TSPAN9: variants seen among roughly 807,000 people sequenced by gnomAD.
The protein encoded by TSPAN9 is tetraspanin 9.
TSPAN9 carries 16 observed loss-of-function variants against 31.0 expected under a neutral mutation model. The observed-to-expected ratio is 0.52, with a 90% confidence interval of 0.35 to 0.78. The LOEUF (loss-of-function observed/expected upper bound fraction) is 0.78, where lower values mean the gene tolerates loss of function less well. TSPAN9 is among the 30% of genes least tolerant of loss of function. The pLI, the probability that TSPAN9 is intolerant of heterozygous loss-of-function variation, is 0.01. For missense variants in TSPAN9, 272 were observed against 312.5 expected (o/e 0.87, Z 0.98); for synonymous variants, 145 against 121.6 (o/e 1.19, Z -1.27).
chr12:3,255,126 T>A (rs600830), intron 3 of TSPAN9, among the ~76,000 whole-genome samples: 1 of 152,216 alleles, frequency 6.6e-6, no homozygotes, highest in Non-Finnish European at 1.5e-5. Flanking sequence ...AGACAATGAG[T>A]AGCAAGGCAC....
intron 3 of TSPAN9, among the ~76,000 whole-genome samples, chr12:3,206,648 T>C (rs999985228): frequency 6.6e-6 from 1 of 152,162 alleles, no homozygotes; most frequent in Non-Finnish European, 1.5e-5. Flanking sequence ...GTGGCCTTTC[T>C]GTTTCTTCCA....
chr12:3,235,612 T>G (rs112402622), intron 3 of TSPAN9, among the ~76,000 whole-genome samples: 2,242 of 152,256 alleles, frequency 0.015, 55 homozygotes, highest in African/African-American at 0.051. Flanking sequence ...GCGTGTGTGA[T>G]TCCCTCACTG....
chr12:3,206,922 A>G (rs2098375567), intron 3 of TSPAN9, among the ~76,000 whole-genome samples: 1 of 152,202 alleles, frequency 6.6e-6, no homozygotes, highest in South Asian at 2.1e-4. Context: ...TAGAGGGTCC[A>G]GGGCAGGGAG....
At chr12:3,129,844 A>G (rs1249762858) in intron 2 of TSPAN9, among the ~76,000 whole-genome samples, 1 of 152,176 alleles carries the variant, frequency 6.6e-6, no homozygotes, top group Non-Finnish European at 1.5e-5. Flanking sequence ...CCCTGGGGCC[A>G]GCTGTCCCTC....
At chr12:3,165,733 C>T (rs1046974437) in intron 2 of TSPAN9, among the ~76,000 whole-genome samples, 8 of 152,102 alleles carry the variant, frequency 5.3e-5, no homozygotes, top group African/African-American at 9.7e-5. Context: ...CTTTGTGAGG[C>T]GCCCGTGAGA....
rs796903771 is a variant in TSPAN9, at chr12:3,095,743, C to G, written c.-18+12024C>G. On this transcript the variant is annotated intron_variant, in intron 2 of 8. Transcript: ENST00000011898. ...TCCCCACATCTCAGACGATGGGCGG[C>G]CGGGCAGAGACGCTCCTCACTTCCT... Among the ~76,000 whole-genome samples, 1,060 of 151,190 alleles carry G rather than the reference C, an allele frequency of 7.0e-3. 7 individuals carry two copies. The highest frequency in any genetic ancestry group is 0.024 in the African/African-American group (995 of 41,018).
intron 2 of TSPAN9, among the ~76,000 whole-genome samples, chr12:3,115,621 C>G (rs1350863339): frequency 6.6e-6 from 1 of 152,150 alleles, no homozygotes; most frequent in Non-Finnish European, 1.5e-5. Flanking sequence ...GGGTTCTAAA[C>G]TTATATCCTT....
At chr12:3,224,968 A>G (rs2098386411) in intron 3 of TSPAN9, among the ~76,000 whole-genome samples, 1 of 152,160 alleles carries the variant, frequency 6.6e-6, no homozygotes, top group Admixed American at 6.5e-5. Flanking sequence ...GAGCTTCAGA[A>G]TTCATTCAGA....
rs71577857 is a variant in TSPAN9, at chr12:3,283,487, G to A, written c.*371G>A. 2,162 of 183,628 alleles carry A rather than the reference G, an allele frequency of 0.012. 22 individuals carry two copies. Among genetic ancestry groups the A allele is most frequent in the South Asian group, 0.034 (202 of 5,900 alleles). 11.4% of individuals were successfully genotyped at this position (183,628 alleles called of 1,614,324 possible). ...GGGTGGGGAGCAGAGTGCCCGCCCC[G>A]TGGAGATACCGCCCCAGCGGGGGCT... is the stretch of plus-strand genomic sequence containing the variant. On this transcript the variant is annotated 3_prime_UTR_variant, in exon 9 of 9. Coordinates refer to ENST00000011898, the MANE Select transcript of TSPAN9 (RefSeq NM_006675.5).
chr12:3,198,548 G>C (rs1421471154), intron 2 of TSPAN9, among the ~76,000 whole-genome samples: 2 of 108,308 alleles, frequency 1.8e-5, no homozygotes, highest in Admixed American at 1.0e-4. Context: ...ACCAGCACAG[G>C]CCACCACCAG....
chr12:3,089,190 C>G (rs1438681638), intron 2 of TSPAN9, among the ~76,000 whole-genome samples: 3 of 149,714 alleles, frequency 2.0e-5, no homozygotes, highest in Non-Finnish European at 4.4e-5. Flanking sequence ...TGAGATCGCG[C>G]CACTGCACTC....
chr12:3,119,868 C>A (rs2098324259), intron 2 of TSPAN9, among the ~76,000 whole-genome samples: 1 of 152,172 alleles, frequency 6.6e-6, no homozygotes, highest in African/African-American at 2.4e-5. Flanking sequence ...AGTACGGTGC[C>A]CTGTCACTCA....
chr12:3,168,945 C>T lies in TSPAN9; in HGVS notation c.-17-32232C>T, dbSNP rs2098350176. The stretch of plus-strand genomic sequence containing the variant: ...GTGGGGAAATACAAGGTGGTGATCT[C>T]ATGTGGCATTAAACGGAGCTGGGAA... On this transcript the variant is annotated intron_variant, in intron 2 of 8. Coordinates refer to ENST00000011898, the MANE Select transcript of TSPAN9 (RefSeq NM_006675.5). This position sits in a 1 kb window ranked among gnomAD's most constrained non-coding sequence, Gnocchi z 4.0. Among the ~76,000 whole-genome samples the T allele has an allele frequency of 6.6e-6, 1 of 152,208 alleles. No individual in the cohort carries two copies. The highest frequency in any genetic ancestry group is 2.4e-5 in the African/African-American group (1 of 41,462).
intron 2 of TSPAN9, among the ~76,000 whole-genome samples, chr12:3,094,739 TGGTC>T (rs900376173): frequency 1.3e-5 from 2 of 151,876 alleles, no homozygotes; most frequent in African/African-American, 4.8e-5. Flanking sequence ...TTCTCCATGT[TGGTC>T]AGGCTGGTCT....
chr12:3,232,166 T>G (rs1229324349), intron 3 of TSPAN9, among the ~76,000 whole-genome samples: 3 of 152,194 alleles, frequency 2.0e-5, no homozygotes, highest in Non-Finnish European at 4.4e-5. Flanking sequence ...GCTACCAAGG[T>G]GCCCTTATGA....
chr12:3,213,352 C>T (rs1340996059), intron 3 of TSPAN9, among the ~76,000 whole-genome samples: 6 of 152,206 alleles, frequency 3.9e-5, no homozygotes, highest in African/African-American at 1.4e-4. Context: ...GGGGGCTTCC[C>T]CCGCTTGTTG....
chr12:3,251,375 G>A (rs1275641071), intron 3 of TSPAN9, among the ~76,000 whole-genome samples: 1 of 149,772 alleles, frequency 6.7e-6, no homozygotes, highest in Non-Finnish European at 1.5e-5. Flanking sequence ...GGAGGAGGAG[G>A]GGTAGGGTTG....
Position 3,281,631 on chromosome 12 carries a change from G to A in TSPAN9, c.565-103G>A, listed in dbSNP as rs1276944555. On this transcript the variant is annotated intron_variant, in intron 7 of 8. Transcript: ENST00000011898. Reference sequence around the variant, plus strand: ...GGCTGAGGCCAGGGAGGGCTGGGAGGTAAGAGCGAGGACGAGGTGGAAGGA... The same window carrying A: ...GGCTGAGGCCAGGGAGGGCTGGGAGATAAGAGCGAGGACGAGGTGGAAGGA... The A allele has an allele frequency of 9.6e-6, 13 of 1,351,484 alleles. No homozygotes were observed. In the Admixed American group the frequency reaches 1.2e-4, roughly 13 times the overall value. The allele number at this position is 1,351,484 out of a possible 1,614,324, so 83.7% of individuals were successfully genotyped here.
At chr12:3,237,223 A>C (rs2098394247) in intron 3 of TSPAN9, among the ~76,000 whole-genome samples, 1 of 152,050 alleles carries the variant, frequency 6.6e-6, no homozygotes, top group South Asian at 2.1e-4. Context: ...CCCCTTTGTC[A>C]CATTTTTAAA....
Sources: gnomAD v4.1 joint callset for allele counts (sites outside exome capture counted in the v4.1 genomes callset) on GRCh38, gnomAD v4.1.1 for gene constraint, Gnocchi (gnomAD v3.1) non-coding constraint, MANE v1.5 for transcripts, NCBI Gene and HGNC (gene_info 2026-07-23, HGNC 2026-07-21) for gene names.